ATG14: variants seen among roughly 807,000 people sequenced by gnomAD.
The protein encoded by ATG14 is autophagy related 14.
A neutral mutation model predicts 60.4 loss-of-function variants in ATG14; 35 were observed. The observed-to-expected ratio is 0.58, with a 90% CI of 0.44 to 0.77. The LOEUF (loss-of-function observed/expected upper bound fraction) is 0.77. Ranked by LOEUF, ATG14 falls within the 30% of genes least tolerant of loss-of-function variation. ATG14 has a pLI of 0.00. For synonymous variants in ATG14, 234 were observed against 228.8 expected (o/e 1.02, Z -0.21); for missense variants, 647 against 626.3 (o/e 1.03, Z -0.35).
At chr14:55,405,077 A>C (rs748845901) in intron 1 of ATG14, among the ~76,000 whole-genome samples, 6 of 152,220 alleles carry the variant, frequency 3.9e-5, no homozygotes, top group Non-Finnish European at 4.4e-5. Flanking sequence ...AACAAACTCC[A>C]TGGGACAGGA....
chr14:55,371,668 A>G (rs779060166), intron 9 of ATG14, among the ~76,000 whole-genome samples: 24 of 152,224 alleles, frequency 1.6e-4, no homozygotes, highest in Non-Finnish European at 2.5e-4. Context: ...GCTGGGTGTG[A>G]TGGCGGGCAC....
At chr14:55,371,093 C>A (rs772691970) in intron 9 of ATG14, among the ~76,000 whole-genome samples, 1 of 152,168 alleles carries the variant, frequency 6.6e-6, no homozygotes, top group Non-Finnish European at 1.5e-5. Context: ...GACCAAGGTG[C>A]CGCTCTCTCC....
chr14:55,380,397 A>G (rs912532620), intron 7 of ATG14, among the ~76,000 whole-genome samples, 176 bp downstream of exon 7: 1 of 152,258 alleles, frequency 6.6e-6, no homozygotes, highest in African/African-American at 2.4e-5. Flanking sequence ...CAACTGTAAG[A>G]TAATGAAACG....
intron 5 of ATG14, among the ~76,000 whole-genome samples, chr14:55,383,158 G>T (rs10139000): frequency 0.39 from 59,151 of 151,904 alleles, 11,875 homozygotes; most frequent in Non-Finnish European, 0.42. Context: ...TTACGCACGC[G>T]TCCCATGCCA....
chr14:55,411,430 G>C (rs1274312857), intron 1 of ATG14, among the ~76,000 whole-genome samples, 172 bp downstream of exon 1: 3 of 152,180 alleles, frequency 2.0e-5, no homozygotes, highest in Admixed American at 2.0e-4. Context: ...TGGCCCCTAC[G>C]CTGTCCTCTG....
chr14:55,373,464 TA>T (rs761842608), intron 9 of ATG14, among the ~76,000 whole-genome samples: 3 of 152,170 alleles, frequency 2.0e-5, no homozygotes, highest in East Asian at 3.8e-4. Flanking sequence ...TTTTATTACT[TA>T]TTTTTTTATT....
intron 4 of ATG14, among the ~76,000 whole-genome samples, chr14:55,389,814 C>T (rs542082793): frequency 2.6e-5 from 4 of 152,190 alleles, no homozygotes; most frequent in East Asian, 3.9e-4. Flanking sequence ...GGATTAGAAA[C>T]GAGTATTCTT....
In ATG14 at chr14:55,384,994, C is replaced by A. The variant is rs1470977491; in HGVS notation, c.647+865G>T. Among the ~76,000 whole-genome samples, 3 of 152,282 alleles carry A rather than the reference C, an allele frequency of 2.0e-5. No homozygotes were observed. The East Asian group carries it at 5.8e-4, about 29-fold the overall frequency. Reference sequence around the variant, plus strand: ...GGGAACCACTGTCCTGTCTGTCCCACCAGGGGTTATCCATGCACTACCGCC... The same window carrying A: ...GGGAACCACTGTCCTGTCTGTCCCAACAGGGGTTATCCATGCACTACCGCC... On this transcript the variant is annotated intron_variant, in intron 5 of 9. Transcript: ENST00000247178.
chr14:55,370,460 A>C (rs1289755795), intron 9 of ATG14, among the ~76,000 whole-genome samples: 1 of 152,220 alleles, frequency 6.6e-6, no homozygotes, highest in Non-Finnish European at 1.5e-5. Flanking sequence ...TGTTTAGAAT[A>C]TATTCAGAGG....
intron 3 of ATG14, chr14:55,394,932 G>A (rs1885287568): frequency 2.9e-5 from 11 of 383,982 alleles, no homozygotes; most frequent in South Asian, 2.2e-4. Flanking sequence ...TAAACAACCA[G>A]AGAATGATTT....
intron 1 of ATG14, among the ~76,000 whole-genome samples, chr14:55,399,869 G>A (rs1376571269): frequency 2.0e-5 from 3 of 152,218 alleles, no homozygotes; most frequent in Non-Finnish European, 4.4e-5. Flanking sequence ...AGACAACTGT[G>A]TCTAGCTTAA....
chr14:55,373,382 C>T (rs1884859157), intron 9 of ATG14, among the ~76,000 whole-genome samples: 1 of 152,102 alleles, frequency 6.6e-6, no homozygotes, highest in South Asian at 2.1e-4. Context: ...GACACAGAAA[C>T]TGCACAAAGG....
intron 3 of ATG14, among the ~76,000 whole-genome samples, chr14:55,393,037 A>G (rs1885245529): frequency 6.6e-6 from 1 of 152,232 alleles, no homozygotes; most frequent in Admixed American, 6.5e-5. Flanking sequence ...TTTGTTTACT[A>G]AAACATTCAG....
At chr14:55,394,318 A>ATAAT (rs1351975445) in intron 3 of ATG14, among the ~76,000 whole-genome samples, 1 of 152,024 alleles carries the variant, frequency 6.6e-6, no homozygotes, top group Non-Finnish European at 1.5e-5. Context: ...TTTTTCCTTC[A>ATAAT]TAATTGAGAT....
At chr14:55,398,354 G>A (rs28580756) in intron 1 of ATG14, among the ~76,000 whole-genome samples, 5,101 of 152,182 alleles carry the variant, frequency 0.034, 236 homozygotes, top group East Asian at 0.17. Flanking sequence ...AGTTTAAGGT[G>A]ATAACTCAGG....
At chr14:55,370,198 A>T (rs151198431) in intron 9 of ATG14, among the ~76,000 whole-genome samples, 1 of 152,206 alleles carries the variant, frequency 6.6e-6, no homozygotes, top group Admixed American at 6.5e-5. Context: ...AAAAAAACCT[A>T]TTCACTGAGA....
In ATG14 at chr14:55,399,043, A is replaced by C. The variant is rs375522839; in HGVS notation, c.222-1609T>G. Among the ~76,000 whole-genome samples, 228 of 152,312 alleles carry C rather than the reference A, an allele frequency of 1.5e-3. 2 individuals carry two copies. The highest frequency in any genetic ancestry group is 5.1e-3 in the African/African-American group (211 of 41,568). ...TCAACAGGCCATAACAGACCTAAAA[A>C]TATTCTGGACAAAGAAGTCTTTCTA... is the stretch of plus-strand genomic sequence containing the variant. On this transcript the variant is annotated intron_variant, in intron 1 of 9. Transcript: ENST00000247178.
chr14:55,406,524 T>C (rs1386414151), intron 1 of ATG14, among the ~76,000 whole-genome samples: 2 of 152,216 alleles, frequency 1.3e-5, no homozygotes, highest in Admixed American at 6.5e-5. Flanking sequence ...TCAAGGCCTA[T>C]TGACAGTCGG....
At chr14:55,392,473 C>G (rs1885234575) in intron 3 of ATG14, among the ~76,000 whole-genome samples, 1 of 151,984 alleles carries the variant, frequency 6.6e-6, no homozygotes, top group East Asian at 1.9e-4. Flanking sequence ...CATGGCGAAA[C>G]CCCATCTCTA....
Sources: gnomAD v4.1 joint callset for allele counts (sites outside exome capture counted in the v4.1 genomes callset) on GRCh38, gnomAD v4.1.1 for gene constraint, MANE v1.5 for transcripts, NCBI Gene and HGNC (gene_info 2026-07-23, HGNC 2026-07-21) for gene names.